DAB1: variants seen among roughly 807,000 people sequenced by gnomAD.
DAB1 encodes disabled homolog 1.
Under a neutral mutation model 64.6 loss-of-function variants are expected in DAB1, and 15 were observed. That is an observed-to-expected ratio of 0.23 (90% CI 0.16 to 0.36). The LOEUF (loss-of-function observed/expected upper bound fraction) is 0.36. Ranked by LOEUF, DAB1 falls within the 10% of genes least tolerant of loss-of-function variation. The pLI is 1.00. For synonymous variants in DAB1, 235 were observed against 251.9 expected (o/e 0.93, Z 0.64); for missense variants, 596 against 706.7 (o/e 0.84, Z 1.78).
At chr1:58,034,445 G>C (rs1163801123) in intron 5 of DAB1, among the ~76,000 whole-genome samples, 1 of 152,204 alleles carries the variant, frequency 6.6e-6, no homozygotes, top group Non-Finnish European at 1.5e-5. Context: ...CCAGATTCCT[G>C]ACTTACAGAA....
At chr1:57,099,070 G>A (rs1654430555) in intron 4 of DAB1, among the ~76,000 whole-genome samples, 1 of 152,158 alleles carries the variant, frequency 6.6e-6, no homozygotes. Context: ...TAGCATTGGA[G>A]GCTCTGGGTC....
intron 1 of DAB1, among the ~76,000 whole-genome samples, chr1:57,849,596 A>T (rs1250411501): frequency 1.3e-5 from 2 of 152,182 alleles, no homozygotes; most frequent in Non-Finnish European, 2.9e-5. Flanking sequence ...AAAAGAAATG[A>T]TCCTCTCTAG....
At chr1:58,521,392 T>C (rs1424751484) in intron 2 of DAB1, among the ~76,000 whole-genome samples, 2 of 149,416 alleles carry the variant, frequency 1.3e-5, no homozygotes, top group Non-Finnish European at 3.0e-5. Flanking sequence ...AAGAACCACA[T>C]ATGAAACCCA....
At position 57,200,247 on chromosome 1, in the gene DAB1, G is replaced by A. The variant is rs571224466; in HGVS notation, c.68-54818C>T. 2.0e-5 allele frequency among the ~76,000 whole-genome samples: 3 copies of A among 152,264 alleles called. No homozygotes were observed. In the South Asian group the frequency reaches 6.2e-4, roughly 32 times the overall value. ...AGACAGTCTGGTTGCATCTATTAGT[G>A]TCCTTAAGCTGCCAGAAAGCATTCA... On this transcript the variant is annotated intron_variant, in intron 2 of 14. Coordinates refer to ENST00000371236, the MANE Select transcript of DAB1 (RefSeq NM_001365792.1).
At chr1:58,384,399 T>G (rs1028965813) in intron 3 of DAB1, among the ~76,000 whole-genome samples, 2 of 152,188 alleles carry the variant, frequency 1.3e-5, no homozygotes. Flanking sequence ...TTAATGGGTA[T>G]GAAGTTACAG....
chr1:58,103,116 C>T (rs1000792209), intron 5 of DAB1, among the ~76,000 whole-genome samples: 3 of 152,176 alleles, frequency 2.0e-5, no homozygotes, highest in Admixed American at 6.5e-5. Context: ...TCCAAGACTT[C>T]CTGCGGCACC....
At chr1:58,087,208 A>G (rs1358086479) in intron 5 of DAB1, among the ~76,000 whole-genome samples, 1 of 152,220 alleles carries the variant, frequency 6.6e-6, no homozygotes, top group Non-Finnish European at 1.5e-5. Context: ...GAGAGCAGGT[A>G]TCAGTACATA....
intron 5 of DAB1, among the ~76,000 whole-genome samples, chr1:58,085,176 A>G (rs2100599873): frequency 6.6e-6 from 1 of 152,300 alleles, no homozygotes; most frequent in South Asian, 2.1e-4. Flanking sequence ...AGTGCAGACA[A>G]GACAGATGGA....
chr1:57,853,223 T>A (rs1032602672), intron 1 of DAB1, among the ~76,000 whole-genome samples: 17 of 147,808 alleles, frequency 1.2e-4, no homozygotes, highest in Non-Finnish European at 2.4e-4. Flanking sequence ...TCAAAATACA[T>A]AAGAAAGGGT....
intron 1 of DAB1, among the ~76,000 whole-genome samples, chr1:57,390,136 T>C (rs1392695622): frequency 6.6e-6 from 1 of 152,192 alleles, no homozygotes. Context: ...CACAGACTTA[T>C]TACAGACAAA....
At chr1:58,233,156 T>G (rs1410900551) in intron 4 of DAB1, among the ~76,000 whole-genome samples, 1 of 152,230 alleles carries the variant, frequency 6.6e-6, no homozygotes, top group Non-Finnish European at 1.5e-5. Flanking sequence ...AGCATTTTCT[T>G]AATCACCTCT....
At chr1:58,015,350 T>C (rs900488049) in intron 5 of DAB1, among the ~76,000 whole-genome samples, 1 of 152,190 alleles carries the variant, frequency 6.6e-6, no homozygotes, top group Non-Finnish European at 1.5e-5. Flanking sequence ...TGGCTCATTT[T>C]CCCATCTCCT....
intron 2 of DAB1, among the ~76,000 whole-genome samples, chr1:57,167,790 T>C (rs1391827927): frequency 6.6e-6 from 1 of 152,204 alleles, no homozygotes; most frequent in Admixed American, 6.5e-5. Context: ...AATAACTCAT[T>C]TGTGGCAACA....
intron 6 of DAB1, among the ~76,000 whole-genome samples, chr1:57,766,024 T>C (rs941188445): frequency 1.3e-5 from 2 of 152,100 alleles, no homozygotes; most frequent in African/African-American, 2.4e-5. Context: ...GGACATTTTT[T>C]CTTCTCTACC....
intron 2 of DAB1, among the ~76,000 whole-genome samples, chr1:57,250,305 T>C (rs750674620): frequency 1.3e-5 from 2 of 152,200 alleles, no homozygotes; most frequent in Admixed American, 6.5e-5. Context: ...TGTCTATGTC[T>C]GGTAGTATAA....
At chr1:57,210,317 G>A (rs1379854921) in intron 2 of DAB1, among the ~76,000 whole-genome samples, 1 of 152,050 alleles carries the variant, frequency 6.6e-6, no homozygotes, top group East Asian at 1.9e-4. Flanking sequence ...AGGACAATAA[G>A]ATAGAACAGT....
At chr1:58,300,656 GGAAGGAAGGA>G (rs1662145537) in intron 4 of DAB1, among the ~76,000 whole-genome samples, 5 of 102,454 alleles carry the variant, frequency 4.9e-5, no homozygotes, top group African/African-American at 2.2e-4. Context: ...GAGGAAGGAA[GGAAGGAAGGA>G]AGGAAGGAAG....
At chr1:57,870,218 A>C (rs1643916906) in intron 1 of DAB1, among the ~76,000 whole-genome samples, 1 of 152,118 alleles carries the variant, frequency 6.6e-6, no homozygotes, top group Non-Finnish European at 1.5e-5. Flanking sequence ...CCCCTCAATA[A>C]ATGTTAGCCT....
intron 5 of DAB1, among the ~76,000 whole-genome samples, chr1:58,033,688 T>G (rs1647002565): frequency 6.6e-6 from 1 of 152,206 alleles, no homozygotes; most frequent in African/African-American, 2.4e-5. Flanking sequence ...TGTATAAATA[T>G]TTGTTGAGTA....
Sources: gnomAD v4.1 joint callset for allele counts (sites outside exome capture counted in the v4.1 genomes callset) on GRCh38, gnomAD v4.1.1 for gene constraint, MANE v1.5 for transcripts, NCBI Gene and HGNC (gene_info 2026-07-23, HGNC 2026-07-21) for gene names.